The following PRKN variants were observed in gnomAD, a reference collection of about 807,000 sequenced individuals.
The protein encoded by PRKN is E3 ubiquitin-protein ligase parkin.
PRKN carries 56 observed loss-of-function variants against 59.5 expected under a neutral mutation model. The observed-to-expected ratio is 0.94, with a 90% CI of 0.76 to 1.18. PRKN has a LOEUF of 1.18. Among genes scored for constraint, PRKN ranks in the 50% most tolerant of loss-of-function variants. PRKN has a pLI of 0.00. For missense variants in PRKN, 657 were observed against 596.4 expected, an observed-to-expected ratio of 1.10 and a Z score of -1.06; for synonymous variants, 250 against 222.1, an observed-to-expected ratio of 1.13 and a Z score of -1.12.
At chr6:161,617,007 C>T (rs566387751) in intron 7 of PRKN, among the ~76,000 whole-genome samples, 41 of 152,300 alleles carry the variant, frequency 2.7e-4, no homozygotes, top group African/African-American at 9.6e-4. Context: ...AATGGTTGAA[C>T]TAATTTACAC....
At chr6:162,120,150 C>T (rs1256577293) in intron 4 of PRKN, among the ~76,000 whole-genome samples, 2 of 152,076 alleles carry the variant, frequency 1.3e-5, no homozygotes, top group Non-Finnish European at 1.5e-5. Flanking sequence ...GTAACTGGGA[C>T]CACAAGCACA....
At chr6:161,583,513 CT>C in intron 7 of PRKN, among the ~76,000 whole-genome samples, 1 of 151,784 alleles carries the variant, frequency 6.6e-6, no homozygotes, top group East Asian at 1.9e-4. Context: ...TTACAATTCC[CT>C]TTTTAAAGGT....
intron 3 of PRKN, among the ~76,000 whole-genome samples, chr6:162,218,811 G>A (rs537609107): frequency 3.9e-4 from 59 of 152,134 alleles, no homozygotes; most frequent in Admixed American, 1.4e-3. Flanking sequence ...ATGTTCCTCC[G>A]TGGCAGCGAA....
At chr6:162,711,118 A>G (rs1045336914) in intron 1 of PRKN, among the ~76,000 whole-genome samples, 2 of 152,222 alleles carry the variant, frequency 1.3e-5, no homozygotes, top group African/African-American at 4.8e-5. Context: ...GACCAGCAGC[A>G]GCCAAAAGGA....
chr6:161,708,998 G>A (rs1259742823), intron 7 of PRKN, among the ~76,000 whole-genome samples: 1 of 152,200 alleles, frequency 6.6e-6, no homozygotes, highest in Non-Finnish European at 1.5e-5. Context: ...TATGACAACT[G>A]AGCACTTGAA....
In PRKN at chr6:161,404,723, C is replaced by T. The variant is rs570851949; in HGVS notation, c.1084-17846G>A. ...GTGTATATCACTCCCTGCACAATGA[C>T]GCAAGTCAAAATCAAGCATTTTCCA... On this transcript the variant is annotated intron_variant, in intron 9 of 11. Transcript: ENST00000366898. 1.1e-4 allele frequency among the ~76,000 whole-genome samples: 17 copies of T among 152,290 alleles called. No homozygotes were observed. In the South Asian group the frequency reaches 1.7e-3, roughly 15 times the overall value.
intron 2 of PRKN, among the ~76,000 whole-genome samples, chr6:162,435,641 A>G (rs1010094316): frequency 6.6e-6 from 1 of 152,186 alleles, no homozygotes; most frequent in African/African-American, 2.4e-5. Flanking sequence ...TCGTATAATA[A>G]TGTACCTGTT....
At chr6:162,129,307 C>G (rs1781248137) in intron 4 of PRKN, among the ~76,000 whole-genome samples, 2 of 152,252 alleles carry the variant, frequency 1.3e-5, no homozygotes, top group Middle Eastern at 3.4e-3. Flanking sequence ...GAGAAAGTAA[C>G]ATGAATACAG....
chr6:161,537,650 A>G (rs1463294339), intron 9 of PRKN, among the ~76,000 whole-genome samples: 3 of 151,992 alleles, frequency 2.0e-5, no homozygotes, highest in Non-Finnish European at 4.4e-5. Flanking sequence ...ACGGGGTTTC[A>G]CCATGTTAGC....
Position 162,656,879 on chromosome 6 carries a change from C to T in PRKN, c.7+70783G>A, listed in dbSNP as rs894100952. Among the ~76,000 whole-genome samples the T allele has an allele frequency of 2.6e-5, 4 of 152,166 alleles. No homozygotes were observed. The South Asian group carries it at 8.3e-4, about 31-fold the overall frequency. Reference sequence around the variant, plus strand: ...CATACTCCTCTCAATCCCAGGCACCCACCCTCCAGGTACTCTCCTAGCACA... The same window carrying T: ...CATACTCCTCTCAATCCCAGGCACCTACCCTCCAGGTACTCTCCTAGCACA... On this transcript the variant is annotated intron_variant, in intron 1 of 11. Transcript: ENST00000366898.
intron 2 of PRKN, among the ~76,000 whole-genome samples, chr6:162,277,309 C>T (rs1051360578): frequency 6.6e-6 from 1 of 152,124 alleles, no homozygotes; most frequent in Non-Finnish European, 1.5e-5. Context: ...TTCACACGGG[C>T]ATTGTCAGTT....
At chr6:161,885,453 A>G (rs1475187643) in intron 6 of PRKN, among the ~76,000 whole-genome samples, 1 of 152,130 alleles carries the variant, frequency 6.6e-6, no homozygotes, top group Non-Finnish European at 1.5e-5. Flanking sequence ...TCACGAGGTC[A>G]GGAGATAGAG....
chr6:161,456,961 G>A lies in PRKN; in HGVS notation c.1084-70084C>T, dbSNP rs78240756. ...GAAGCCAAACACTTGCCCTCTCAGA[G>A]CCTTTGCCTCCACTGTGGTCCTACC... On this transcript the variant is annotated intron_variant, in intron 9 of 11. Transcript: ENST00000366898. The surrounding 1 kb of genome is among the most constrained non-coding windows in gnomAD (Gnocchi z 4.8). Among the ~76,000 whole-genome samples the A allele has an allele frequency of 0.044, 6,685 of 152,274 alleles. 172 individuals are homozygous for A. The highest frequency in any genetic ancestry group is 0.067 in the African/African-American group (2,766 of 41,568).
intron 2 of PRKN, among the ~76,000 whole-genome samples, chr6:162,354,012 GTTTC>G (rs1583428761): frequency 6.6e-6 from 1 of 152,064 alleles, no homozygotes; most frequent in East Asian, 1.9e-4. Context: ...AGTTCCACAA[GTTTC>G]TTTGACTATC....
chr6:161,988,576 G>C (rs563072714), intron 5 of PRKN, among the ~76,000 whole-genome samples: 1 of 151,710 alleles, frequency 6.6e-6, no homozygotes, highest in Admixed American at 6.6e-5. Context: ...GTTTCAATCA[G>C]GTTTAAACAT....
chr6:161,847,092 G>A (rs533751979), intron 6 of PRKN, among the ~76,000 whole-genome samples: 1 of 152,278 alleles, frequency 6.6e-6, no homozygotes, highest in East Asian at 1.9e-4. Context: ...GGCAGATCAA[G>A]AGGTCAAGAG....
intron 7 of PRKN, among the ~76,000 whole-genome samples, chr6:161,680,051 G>A (rs1033474803): frequency 6.6e-5 from 10 of 152,098 alleles, no homozygotes; most frequent in Non-Finnish European, 5.9e-5. Context: ...ACCGTGCCCT[G>A]GCCAGAGCCA....
At chr6:162,629,479 TAA>T (rs1268126453) in intron 1 of PRKN, among the ~76,000 whole-genome samples, 4 of 152,138 alleles carry the variant, frequency 2.6e-5, no homozygotes, top group East Asian at 1.9e-4. Flanking sequence ...TTCGTATTTT[TAA>T]AAGAGTCAAT....
In PRKN at chr6:161,551,473, C is replaced by T. The variant is rs1013368280; in HGVS notation, c.934-2470G>A. 1.3e-5 allele frequency among the ~76,000 whole-genome samples: 2 copies of T among 152,170 alleles called. No homozygotes were observed. The highest frequency in any genetic ancestry group is 2.4e-5 in the African/African-American group (1 of 41,446). ...AACACCAGCAAAGGAGACTAAGGAG[C>T]AGCAGCCTATGAGGCAGGTGAAAAC... On this transcript the variant is annotated intron_variant, in intron 8 of 11. Coordinates refer to ENST00000366898, the MANE Select transcript of PRKN (RefSeq NM_004562.3). This position sits in a 1 kb window ranked among gnomAD's most constrained non-coding sequence, Gnocchi z 5.2.
Sources: allele counts gnomAD v4.1 joint callset (sites outside exome capture counted in the v4.1 genomes callset), GRCh38; gene constraint gnomAD v4.1.1; non-coding constraint Gnocchi (gnomAD v3.1); transcripts MANE v1.5; gene names NCBI Gene and HGNC (gene_info 2026-07-23, HGNC 2026-07-21).